The following FRYL variants were observed in gnomAD, a reference collection of about 807,000 sequenced individuals.
FRYL encodes the protein protein furry homolog-like.
In FRYL, 150 loss-of-function variants were observed where a neutral mutation model predicts 351.2. That is an observed-to-expected ratio of 0.43 (90% CI 0.37 to 0.49). The LOEUF is 0.49. Ranked by LOEUF, FRYL falls within the 20% of genes least tolerant of loss-of-function variation. FRYL has a pLI of 0.00. For missense variants in FRYL, 3,036 were observed against 3,619.3 expected (o/e 0.84, Z 4.13); for synonymous variants, 1,153 against 1,257.1 (o/e 0.92, Z 1.75).
At chr4:48,734,343 A>G (rs755890706) in intron 1 of FRYL, among the ~76,000 whole-genome samples, 1 of 152,200 alleles carries the variant, frequency 6.6e-6, no homozygotes, top group African/African-American at 2.4e-5. Context: ...TAAATGGCCA[A>G]TTATCCAAAA....
chr4:48,703,142 C>T (rs549462580), intron 2 of FRYL, among the ~76,000 whole-genome samples: 1 of 152,064 alleles, frequency 6.6e-6, no homozygotes, highest in Admixed American at 6.5e-5. Flanking sequence ...ATAGAACCAC[C>T]GTAAGTTTTT....
chr4:48,769,925 G>A (rs903159997), intron 1 of FRYL, among the ~76,000 whole-genome samples: 2 of 152,164 alleles, frequency 1.3e-5, no homozygotes, highest in Non-Finnish European at 2.9e-5. Context: ...GGAGGTAGGG[G>A]GGAACCTTGA....
intron 56 of FRYL, 150 bp from the exon 57 acceptor site, chr4:48,512,838 A>C: frequency 1.6e-6 from 1 of 612,758 alleles, no homozygotes; most frequent in Non-Finnish European, 2.9e-6. Flanking sequence ...AAATCTTGTA[A>C]GAAAGTGTGA....
At chr4:48,537,034 G>A (rs1253630957) in intron 47 of FRYL, among the ~76,000 whole-genome samples, 1 of 152,070 alleles carries the variant, frequency 6.6e-6, no homozygotes, top group African/African-American at 2.4e-5. Context: ...CCATAAAACA[G>A]ACACCAGAAA....
At chr4:48,537,654 C>CA (rs1431719832) in intron 47 of FRYL, among the ~76,000 whole-genome samples, 2 of 152,126 alleles carry the variant, frequency 1.3e-5, no homozygotes, top group Non-Finnish European at 2.9e-5. Flanking sequence ...AGGAAGAAAA[C>CA]AGACTTAAAA....
At chr4:48,745,349 A>G (rs1325024043) in intron 1 of FRYL, among the ~76,000 whole-genome samples, 11 of 152,238 alleles carry the variant, frequency 7.2e-5, no homozygotes, top group African/African-American at 1.2e-4. Flanking sequence ...ACGTGGAACC[A>G]ACCCAAATGT....
At chr4:48,576,269 G>C (rs748635203) in intron 23 of FRYL, 47 bp from the exon 24 acceptor site, 2 of 1,273,172 alleles carry the variant, frequency 1.6e-6, no homozygotes, top group Non-Finnish European at 2.1e-6. Flanking sequence ...AACACAACAC[G>C]TTTTTAAAAG....
At chr4:48,537,493 A>G (rs1362736321) in intron 47 of FRYL, among the ~76,000 whole-genome samples, 2 of 152,204 alleles carry the variant, frequency 1.3e-5, no homozygotes, top group African/African-American at 4.8e-5. Flanking sequence ...AAACAGTAGA[A>G]CTAGGGATAT....
At chr4:48,599,658 G>A (rs1328873333) in intron 13 of FRYL, among the ~76,000 whole-genome samples, 4 of 152,234 alleles carry the variant, frequency 2.6e-5, no homozygotes, top group Middle Eastern at 3.4e-3. Flanking sequence ...CAAGAGCTAT[G>A]GAACTATGTG....
chr4:48,518,528 A>C (rs556396939), intron 55 of FRYL, among the ~76,000 whole-genome samples: 3 of 152,324 alleles, frequency 2.0e-5, no homozygotes, highest in African/African-American at 7.2e-5. Flanking sequence ...CAAAGTTTTA[A>C]AAAATAATCA....
intron 1 of FRYL, among the ~76,000 whole-genome samples, chr4:48,733,562 T>C (rs889752391): frequency 2.6e-5 from 4 of 152,164 alleles, no homozygotes; most frequent in African/African-American, 9.7e-5. Flanking sequence ...CTTTTCTTTT[T>C]CTTACTCCTA....
At chr4:48,776,070 GA>G (rs1259751441) in intron 1 of FRYL, among the ~76,000 whole-genome samples, 12 of 143,296 alleles carry the variant, frequency 8.4e-5, no homozygotes, top group Non-Finnish European at 3.1e-5. Flanking sequence ...AGAAAAAAAG[GA>G]AAAAAAAAAC....
chr4:48,620,515 G>T, intron 6 of FRYL, 124 bp downstream of exon 6: 1 of 947,350 alleles, frequency 1.1e-6, no homozygotes, highest in Non-Finnish European at 1.6e-6. Flanking sequence ...TACCATCTTT[G>T]TAACAAAAGT....
In FRYL at chr4:48,527,624, T is replaced by C; in HGVS notation, c.7170A>G (p.Glu2390=). 6.2e-7 allele frequency: 1 copy of C among 1,610,030 alleles called. No individual in the cohort carries two copies. Among genetic ancestry groups the C allele is most frequent in the East Asian group, 2.2e-5 (1 of 44,770 alleles). The change falls in exon 53 of 64, where the codon GAA becomes GAG. Residue 2390 remains glutamate (E), a synonymous_variant. Coordinates refer to ENST00000358350, the MANE Select transcript of FRYL (RefSeq NM_015030.2). The part of the protein sequence containing the change: ...SVVFSSNEDL[E]VGDQQTSLIS... ...TTAGGCTAGTCTGTTGGTCACCGAC[T>C]TCCAAATCCTCATTAGAAGAAAATA... is the stretch of plus-strand genomic sequence containing the variant.
chr4:48,550,597 T>C lies in FRYL; in HGVS notation c.4628A>G (p.Glu1543Gly). ...AAACATTTGGAATTTATTACTTTTTTCTTCTTCATAAGATCCTCCAGAGCT... is the reference window on the plus strand; with the variant it reads ...AAACATTTGGAATTTATTACTTTTTCCTTCTTCATAAGATCCTCCAGAGCT... Reference protein sequence around the residue: ...SSSSGGSYEEEKSDSMPLYSN... With the variant: ...SSSSGGSYEEGKSDSMPLYSN... Residue 1543 changes from glutamate to glycine, a missense_variant, in exon 38 of 64, where the codon GAA (glutamate) becomes GGA (glycine). Physicochemically the swap from Glu to Gly is moderately conservative, Grantham distance 98 (BLOSUM62 -2). Around this residue, in one of 7 missense-constraint regions of FRYL, gnomAD observed 1,987 missense variants for 2,311.7 expected, o/e 0.86. Transcript: ENST00000358350. 6.2e-7 allele frequency: 1 copy of C among 1,600,010 alleles called. No homozygotes were observed. The highest frequency in any genetic ancestry group is 8.6e-7 in the Non-Finnish European group (1 of 1,167,358).
intron 3 of FRYL, chr4:48,638,439 T>C (rs1448530279): frequency 2.6e-5 from 4 of 152,108 alleles, no homozygotes; most frequent in African/African-American, 4.8e-5. Context: ...ATGGCAATCA[T>C]TAAAAAGTCA....
intron 2 of FRYL, among the ~76,000 whole-genome samples, chr4:48,704,467 C>A (rs12500224): frequency 6.6e-6 from 1 of 152,160 alleles, no homozygotes; most frequent in Non-Finnish European, 1.5e-5. Flanking sequence ...AGAGGTATAA[C>A]TTCTTATGAG....
In FRYL at chr4:48,553,400, C is replaced by T. The variant is rs752170801; in HGVS notation, c.4267-17G>A. 15 of 1,586,326 alleles carry T rather than the reference C, an allele frequency of 9.5e-6. No homozygotes were observed. Among genetic ancestry groups the T allele is most frequent in the Middle Eastern group, 2.1e-4 (1 of 4,654 alleles). On this transcript the variant is annotated splice_polypyrimidine_tract_variant and intron_variant, in intron 35 of 63. Coordinates refer to ENST00000358350, the MANE Select transcript of FRYL (RefSeq NM_015030.2). ...CTTCTTCACCTGTCACAAAAGAAAT[C>T]GTTCAGAAAAGAAAAAGCAAAGTTT...
chr4:48,774,484 G>T (rs1483130025), intron 1 of FRYL, among the ~76,000 whole-genome samples: 1 of 152,084 alleles, frequency 6.6e-6, no homozygotes, highest in East Asian at 1.9e-4. Context: ...GAAAAGGAGG[G>T]TGGTAGGGGG....
Sources: gnomAD v4.1 joint callset for allele counts (sites outside exome capture counted in the v4.1 genomes callset) on GRCh38, gnomAD v4.1.1 for gene constraint, gnomAD v4.1.1 regional missense constraint, MANE v1.5 for transcripts, NCBI Gene and HGNC (gene_info 2026-07-23, HGNC 2026-07-21) for gene names.